The following SLC7A13 variants were observed in gnomAD, a reference collection of about 807,000 sequenced individuals.
The protein encoded by SLC7A13 is solute carrier family 7 member 13, also known as X-amino acid transporter 2.
A neutral mutation model predicts 32.0 loss-of-function variants in SLC7A13; 31 were observed. The observed-to-expected ratio is 0.97, with a 90% CI of 0.73 to 1.31. The LOEUF (loss-of-function observed/expected upper bound fraction) is 1.31, where lower values mean the gene tolerates loss of function less well. SLC7A13 is among the 50% of genes most tolerant of loss of function. The pLI, the probability that SLC7A13 is intolerant of heterozygous loss-of-function variation, is 0.00. For missense variants in SLC7A13, 633 were observed against 546.9 expected (o/e 1.16, Z -1.57); for synonymous variants, 232 against 206.9 (o/e 1.12, Z -1.04).
At chr8:86,227,615 A>G (rs1013706796) in intron 1 of SLC7A13, among the ~76,000 whole-genome samples, 26 of 152,224 alleles carry the variant, frequency 1.7e-4, no homozygotes, top group African/African-American at 5.8e-4. Context: ...AGAAATTGTT[A>G]TATCAAAAAG....
chr8:86,221,658 C>G (rs544349379), intron 2 of SLC7A13, among the ~76,000 whole-genome samples: 1 of 147,984 alleles, frequency 6.8e-6, no homozygotes, highest in East Asian at 2.1e-4. Context: ...AACAAAAAGT[C>G]TAAAGATGAT....
chr8:86,223,494 G>A (rs768090021), intron 1 of SLC7A13, among the ~76,000 whole-genome samples: 3 of 151,988 alleles, frequency 2.0e-5, no homozygotes, highest in Admixed American at 2.0e-4. Context: ...AAAAAGACAT[G>A]ATTTCATTCT....
intron 2 of SLC7A13, among the ~76,000 whole-genome samples, chr8:86,222,594 C>T (rs940488233): frequency 2.6e-5 from 4 of 152,072 alleles, no homozygotes; most frequent in Non-Finnish European, 5.9e-5. Context: ...TCGAATTGAT[C>T]ATTTTTTGTG....
chr8:86,216,587 T>C (rs1409245876), intron 3 of SLC7A13, among the ~76,000 whole-genome samples: 1 of 152,184 alleles, frequency 6.6e-6, no homozygotes, highest in Non-Finnish European at 1.5e-5. Flanking sequence ...AGGACATAAA[T>C]CAACCATAGT....
At position 86,223,024 on chromosome 8, in the gene SLC7A13, CAG is replaced by C; in HGVS notation, c.763_764del (p.Leu255GlyfsTer2). 1 of 1,608,588 alleles carries C rather than the reference CAG, an allele frequency of 6.2e-7. No homozygotes were observed. Among genetic ancestry groups the C allele is most frequent in the Non-Finnish European group, 8.5e-7 (1 of 1,177,416 alleles). ...GAACAGTCAGATAGGAAATGTTAAC[CAG>C]TAAATAAACTACAGTCACCAGAGGT... ...ALPLVTVVYL[L>X]VNISYLTVLT... On this transcript the variant is annotated frameshift_variant, in exon 2 of 4. Transcript: ENST00000297524. LOFTEE classifies it high-confidence loss of function.
chr8:86,217,470 C>T lies in SLC7A13; in HGVS notation c.1179G>A (p.Lys393=), dbSNP rs570692529. The T allele has an allele frequency of 7.2e-5, 110 of 1,531,860 alleles. 1 individual carries two copies. In the South Asian group the frequency reaches 1.3e-3, roughly 18 times the overall value. The allele number at this position is 1,531,860 out of a possible 1,614,324, so 94.9% of individuals were successfully genotyped here. Residue 393 remains lysine (K), a splice_region_variant and synonymous_variant, in exon 3 of 4, where the codon AAG becomes AAA. Transcript: ENST00000297524. Reference sequence around the variant, plus strand: ...AAAAGAATTAGAAATCCAATTTTACCTTATAAGGTATAGATAGATTGGGTT... The same window carrying T: ...AAAAGAATTAGAAATCCAATTTTACTTTATAAGGTATAGATAGATTGGGTT... ...YQEPNLSIPY[K]VFLSFPLATI...
chr8:86,217,775 G>A lies in SLC7A13; in HGVS notation c.874C>T (p.Pro292Ser), dbSNP rs780851308. The A allele has an allele frequency of 4.3e-6, 7 of 1,611,560 alleles. No individual in the cohort carries two copies. In the African/African-American group the frequency reaches 9.4e-5, roughly 22 times the overall value. ...RAFPSLAWIM[P>S]FAISTSLFSN... ...AATAATGAGGTAGAAATAGCAAAAG[G>A]CATAATCCATGCTAATGAGGGAAAA... The change falls in exon 3 of 4, where the codon CCT becomes TCT. Residue 292 changes from proline to serine, a missense_variant. By Grantham distance (74) the Pro-to-Ser change is moderately conservative. Transcript: ENST00000297524.
chr8:86,227,803 A>G (rs1377318446), intron 1 of SLC7A13, among the ~76,000 whole-genome samples: 1 of 152,196 alleles, frequency 6.6e-6, no homozygotes. Flanking sequence ...GGATGCAACT[A>G]GAGACCATCA....
intron 3 of SLC7A13, 135 bp from the exon 4 acceptor site, chr8:86,214,781 A>G (rs1820149464): frequency 2.9e-6 from 2 of 679,364 alleles, no homozygotes; most frequent in East Asian, 2.7e-5. Context: ...AGTTGAATAA[A>G]TCTGGCTTAG....
chr8:86,216,747 TA>T (rs1820188145), intron 3 of SLC7A13, among the ~76,000 whole-genome samples: 1 of 152,212 alleles, frequency 6.6e-6, no homozygotes, highest in Non-Finnish European at 1.5e-5. Context: ...CTAACTTTTC[TA>T]AATCTGTTTT....
At chr8:86,216,137 T>G (rs1162074683) in intron 3 of SLC7A13, among the ~76,000 whole-genome samples, 2 of 152,228 alleles carry the variant, frequency 1.3e-5, no homozygotes, top group Admixed American at 6.5e-5. Flanking sequence ...ATAACAAATT[T>G]ATCCTCCAGT....
chr8:86,229,535 T>G, intron 1 of SLC7A13, 58 bp downstream of exon 1: 2 of 1,369,248 alleles, frequency 1.5e-6, no homozygotes, highest in East Asian at 4.6e-5. Flanking sequence ...ATGATATGCA[T>G]TTCATATTGT....
chr8:86,227,774 A>G (rs1447989923), intron 1 of SLC7A13, among the ~76,000 whole-genome samples: 1 of 152,196 alleles, frequency 6.6e-6, no homozygotes, highest in Non-Finnish European at 1.5e-5. Flanking sequence ...GAATGAGATC[A>G]TGTCTTTTCC....
chr8:86,220,741 C>T (rs1008421920), intron 2 of SLC7A13, among the ~76,000 whole-genome samples: 4 of 152,036 alleles, frequency 2.6e-5, no homozygotes, highest in South Asian at 2.1e-4. Context: ...TAGTGGCTCA[C>T]GTCTGTAACC....
chr8:86,218,888 T>G (rs1225905282), intron 2 of SLC7A13, among the ~76,000 whole-genome samples: 1 of 152,112 alleles, frequency 6.6e-6, no homozygotes, highest in East Asian at 1.9e-4. Flanking sequence ...GGGGTAGATG[T>G]CCTTGGAGCC....
intron 3 of SLC7A13, among the ~76,000 whole-genome samples, chr8:86,215,050 A>T (rs1820156029): frequency 6.6e-6 from 1 of 152,182 alleles, no homozygotes; most frequent in Non-Finnish European, 1.5e-5. Flanking sequence ...GACTATCCTC[A>T]GACTGTCTGT....
At chr8:86,228,848 A>G (rs941997477) in intron 1 of SLC7A13, among the ~76,000 whole-genome samples, 3 of 146,900 alleles carry the variant, frequency 2.0e-5, no homozygotes, top group African/African-American at 7.5e-5. Flanking sequence ...CTCTGTCTCA[A>G]AAAAAAAAAA....
intron 1 of SLC7A13, among the ~76,000 whole-genome samples, chr8:86,227,664 A>G (rs1262941530): frequency 3.3e-5 from 5 of 152,210 alleles, no homozygotes; most frequent in Non-Finnish European, 7.4e-5. Flanking sequence ...ACTGTTCACA[A>G]TAGCAGTCAT....
At chr8:86,227,488 A>G (rs1820407882) in intron 1 of SLC7A13, among the ~76,000 whole-genome samples, 1 of 152,232 alleles carries the variant, frequency 6.6e-6, no homozygotes. Flanking sequence ...CCTCAGAGCA[A>G]TCTAGAATAT....
Sources: gnomAD v4.1 joint callset for allele counts (sites outside exome capture counted in the v4.1 genomes callset) on GRCh38, gnomAD v4.1.1 for gene constraint, MANE v1.5 for transcripts, NCBI Gene and HGNC (gene_info 2026-07-23, HGNC 2026-07-21) for gene names.